Variants in MGAT4C observed in about 807,000 individuals in gnomAD.
MGAT4C encodes the protein alpha-1,3-mannosyl-glycoprotein 4-beta-N-acetylglucosaminyltransferase C.
In MGAT4C, 19 loss-of-function variants were observed where a neutral mutation model predicts 40.1. The observed-to-expected ratio is 0.47, with a 90% CI of 0.33 to 0.70. The LOEUF is 0.70. MGAT4C is among the 30% of genes least tolerant of loss of function. MGAT4C has a pLI of 0.02. For missense variants in MGAT4C, 491 were observed against 563.2 expected (o/e 0.87, Z 1.30); for synonymous variants, 181 against 187.1 (o/e 0.97, Z 0.27).
chr12:86,794,628 A>G (rs1002337464), intron 1 of MGAT4C, among the ~76,000 whole-genome samples: 3 of 151,920 alleles, frequency 2.0e-5, no homozygotes, highest in Admixed American at 6.6e-5. Context: ...AAAGAGGAAT[A>G]ATATTATTAT....
chr12:86,831,076 C>G (rs1952917319), intron 1 of MGAT4C, among the ~76,000 whole-genome samples: 1 of 151,664 alleles, frequency 6.6e-6, no homozygotes, highest in Admixed American at 6.6e-5. Flanking sequence ...CAAGATCCAG[C>G]CCACCCCCTG....
At chr12:86,631,201 T>C (rs1035954523) in intron 2 of MGAT4C, among the ~76,000 whole-genome samples, 1 of 152,092 alleles carries the variant, frequency 6.6e-6, no homozygotes, top group Non-Finnish European at 1.5e-5. Flanking sequence ...TTACAAAGGA[T>C]GTGAAGGACC....
Position 86,359,624 on chromosome 12 carries a change from C to T in MGAT4C, c.-119-25497G>A, listed in dbSNP as rs544172900. 6.5e-4 allele frequency among the ~76,000 whole-genome samples: 99 copies of T among 151,930 alleles called. 1 individual carries two copies. The highest frequency in any genetic ancestry group is 6.8e-3 in the Middle Eastern group (2 of 294). On this transcript the variant is annotated intron_variant, in intron 3 of 7. Coordinates refer to the MGAT4C transcript ENST00000548651. ...AGAAAAGAGAGAAGAATCAAATAGA[C>T]GCAATAAAAAATGATAAAGGGGATA...
chr12:86,354,223 T>C (rs1370890759), intron 3 of MGAT4C, among the ~76,000 whole-genome samples: 1 of 152,102 alleles, frequency 6.6e-6, no homozygotes, highest in Non-Finnish European at 1.5e-5. Context: ...ACCTCATCTA[T>C]TTGCCTGCTA....
At chr12:86,076,905 A>G (rs574121165) in intron 1 of MGAT4C, among the ~76,000 whole-genome samples, 20 of 152,198 alleles carry the variant, frequency 1.3e-4, no homozygotes, top group Non-Finnish European at 2.8e-4. Flanking sequence ...TCCAAGTTCC[A>G]AAACTGAAGA....
At chr12:86,193,943 T>C (rs921651857) in intron 1 of MGAT4C, among the ~76,000 whole-genome samples, 1 of 152,124 alleles carries the variant, frequency 6.6e-6, no homozygotes, top group South Asian at 2.1e-4. Context: ...TTCTCTTACC[T>C]CACATCATAT....
chr12:86,347,636 C>T (rs540037957), intron 3 of MGAT4C, among the ~76,000 whole-genome samples: 1 of 152,248 alleles, frequency 6.6e-6, no homozygotes, highest in South Asian at 2.1e-4. Flanking sequence ...AAGTACTTGT[C>T]ACCTCGTATA....
intron 2 of MGAT4C, among the ~76,000 whole-genome samples, chr12:86,548,760 A>T (rs1246333006): frequency 6.6e-6 from 1 of 152,190 alleles, no homozygotes; most frequent in Non-Finnish European, 1.5e-5. Context: ...TTATCTGTAA[A>T]ATGTAATAAA....
chr12:86,371,664 G>A (rs76941592), intron 3 of MGAT4C, among the ~76,000 whole-genome samples: 9,799 of 151,972 alleles, frequency 0.064, 767 homozygotes, highest in East Asian at 0.25. Context: ...TTTTCTCTTT[G>A]AATGAAATTA....
intron 2 of MGAT4C, among the ~76,000 whole-genome samples, chr12:86,535,209 C>T (rs1052960936): frequency 5.3e-5 from 8 of 151,966 alleles, no homozygotes; most frequent in African/African-American, 1.2e-4. Context: ...GTGTATTTCA[C>T]GCATAAAATG....
intron 1 of MGAT4C, among the ~76,000 whole-genome samples, chr12:86,254,044 C>A (rs1592596342): frequency 6.6e-6 from 1 of 151,810 alleles, no homozygotes; most frequent in African/African-American, 2.4e-5. Context: ...CTTCTTAATA[C>A]TGGTTACATA....
intron 2 of MGAT4C, among the ~76,000 whole-genome samples, chr12:86,485,998 A>C (rs1246208399): frequency 6.6e-6 from 1 of 152,158 alleles, no homozygotes; most frequent in Non-Finnish European, 1.5e-5. Flanking sequence ...AGGAAAGAGA[A>C]ATAACATCCT....
At chr12:86,055,044 T>C (rs987581531) in intron 1 of MGAT4C, among the ~76,000 whole-genome samples, 1 of 152,032 alleles carries the variant, frequency 6.6e-6, no homozygotes, top group African/African-American at 2.4e-5. Flanking sequence ...TAAGACCCTT[T>C]CTATTTTGTG....
intron 2 of MGAT4C, among the ~76,000 whole-genome samples, chr12:86,491,740 C>A (rs10776978): frequency 0.66 from 97,390 of 148,564 alleles, 32,583 homozygotes; most frequent in South Asian, 0.79. Flanking sequence ...TGGCACAAGA[C>A]AGGGATGCCC....
chr12:86,623,249 A>T (rs1962694075), intron 2 of MGAT4C, among the ~76,000 whole-genome samples: 1 of 152,164 alleles, frequency 6.6e-6, no homozygotes, highest in Non-Finnish European at 1.5e-5. Context: ...AAGAATATGG[A>T]TATGCAGTAA....
chr12:86,020,425 A>C (rs556875267), intron 2 of MGAT4C, among the ~76,000 whole-genome samples: 1 of 152,306 alleles, frequency 6.6e-6, no homozygotes, highest in Admixed American at 6.5e-5. Flanking sequence ...TCTCAGAAAT[A>C]ATGCTGCATA....
chr12:86,209,438 T>C (rs973216881), intron 1 of MGAT4C, among the ~76,000 whole-genome samples: 2 of 152,172 alleles, frequency 1.3e-5, no homozygotes, highest in Non-Finnish European at 2.9e-5. Context: ...AATATGAATA[T>C]AAAAAGTCAC....
At chr12:86,168,399 T>A (rs545015998) in intron 1 of MGAT4C, among the ~76,000 whole-genome samples, 1 of 152,312 alleles carries the variant, frequency 6.6e-6, no homozygotes, top group South Asian at 2.1e-4. Context: ...TTTTTTTCAG[T>A]TACCATAATT....
chr12:86,776,592 T>G (rs193101741), intron 1 of MGAT4C, among the ~76,000 whole-genome samples: 7 of 152,068 alleles, frequency 4.6e-5, no homozygotes, highest in African/African-American at 1.7e-4. Flanking sequence ...AAGTCTTGTA[T>G]GGGCTGGTGG....
Sources: gnomAD v4.1 joint callset for allele counts (sites outside exome capture counted in the v4.1 genomes callset) on GRCh38, gnomAD v4.1.1 for gene constraint, MANE v1.5 for transcripts, NCBI Gene and HGNC (gene_info 2026-07-23, HGNC 2026-07-21) for gene names.